Variants in PTPRD observed in about 807,000 individuals in gnomAD.
PTPRD encodes receptor-type tyrosine-protein phosphatase delta.
A neutral mutation model predicts 214.5 loss-of-function variants in PTPRD; 34 were observed. The observed-to-expected ratio is 0.16, with a 90% CI of 0.12 to 0.21. PTPRD has a LOEUF of 0.21. PTPRD is among the 10% of genes least tolerant of loss of function. PTPRD has a pLI of 1.00. For missense variants in PTPRD, 2,545 were observed against 2,398.7 expected (o/e 1.06, Z -1.27); for synonymous variants, 1,128 against 845.7 (o/e 1.33, Z -5.79).
At chr9:9,265,107 A>G (rs1196190332) in intron 9 of PTPRD, among the ~76,000 whole-genome samples, 1 of 151,740 alleles carries the variant, frequency 6.6e-6, no homozygotes, top group East Asian at 1.9e-4. Flanking sequence ...TTAACTCACT[A>G]AAGTAAGTAT....
chr9:10,479,816 A>G (rs2784623), intron 2 of PTPRD, among the ~76,000 whole-genome samples: 46,743 of 151,814 alleles, frequency 0.31, 7,983 homozygotes, highest in East Asian at 0.49. Flanking sequence ...GTGAGATCCC[A>G]TCTTAGAAAA....
intron 9 of PTPRD, among the ~76,000 whole-genome samples, chr9:9,287,851 A>G (rs1034844765): frequency 3.3e-5 from 5 of 151,850 alleles, no homozygotes; most frequent in Non-Finnish European, 7.4e-5. Context: ...TGACACTTCT[A>G]TTAAGAAGGT....
intron 11 of PTPRD, among the ~76,000 whole-genome samples, chr9:8,853,137 C>A: frequency 1.3e-5 from 2 of 152,254 alleles, no homozygotes; most frequent in Middle Eastern, 6.8e-3. Context: ...TCAGTGTAAT[C>A]TTTTGAACTA....
Position 9,623,587 on chromosome 9 carries a change from C to T in PTPRD, c.-286-48806G>A, listed in dbSNP as rs137871497. On this transcript the variant is annotated intron_variant, in intron 7 of 45. Coordinates refer to ENST00000381196, the MANE Select transcript of PTPRD (RefSeq NM_002839.4). ...TTATTGATTCATTTCTTACTAAAGACCCAGCACAGTGTCACACCGTGGGAA... is the reference window on the plus strand; with the variant it reads ...TTATTGATTCATTTCTTACTAAAGATCCAGCACAGTGTCACACCGTGGGAA... Among the ~76,000 whole-genome samples the T allele has an allele frequency of 3.8e-3, 577 of 152,172 alleles. 4 individuals are homozygous for T. Among genetic ancestry groups the T allele is most frequent in the African/African-American group, 0.013 (550 of 41,520 alleles).
intron 11 of PTPRD, among the ~76,000 whole-genome samples, chr9:8,873,727 A>G (rs913438269): frequency 4.6e-5 from 7 of 152,118 alleles, no homozygotes; most frequent in African/African-American, 1.4e-4. Flanking sequence ...TAAAGAATGA[A>G]AGCATTGGGG....
At chr9:8,823,238 T>A (rs189288776) in intron 11 of PTPRD, among the ~76,000 whole-genome samples, 1 of 152,156 alleles carries the variant, frequency 6.6e-6, no homozygotes, top group Non-Finnish European at 1.5e-5. Context: ...AAATGTTCAG[T>A]GTTCCACTGA....
intron 9 of PTPRD, among the ~76,000 whole-genome samples, chr9:9,365,109 G>A (rs1193722083): frequency 1.3e-5 from 2 of 151,442 alleles, no homozygotes; most frequent in African/African-American, 4.8e-5. Context: ...TGAGTAATAT[G>A]TGCTGGGGCT....
chr9:10,273,414 T>C (rs2094522927), intron 3 of PTPRD, among the ~76,000 whole-genome samples: 1 of 152,102 alleles, frequency 6.6e-6, no homozygotes, highest in Non-Finnish European at 1.5e-5. Flanking sequence ...ATAGGGTCTT[T>C]TTCAGTGGCC....
chr9:9,773,218 C>T (rs1208555014), intron 5 of PTPRD, among the ~76,000 whole-genome samples: 1 of 152,104 alleles, frequency 6.6e-6, no homozygotes, highest in Non-Finnish European at 1.5e-5. Flanking sequence ...CTCCTCATCC[C>T]CCCAAATGAA....
At chr9:10,185,300 G>C in intron 3 of PTPRD, among the ~76,000 whole-genome samples, 1 of 152,148 alleles carries the variant, frequency 6.6e-6, no homozygotes, top group East Asian at 1.9e-4. Context: ...GAAAATAAAA[G>C]CCACTGAGCA....
chr9:8,454,347 C>T (rs188745588), intron 33 of PTPRD, among the ~76,000 whole-genome samples: 248 of 152,308 alleles, frequency 1.6e-3, no homozygotes, highest in African/African-American at 5.6e-3. Context: ...GGTTTGTGTA[C>T]TATCTTTTAA....
intron 12 of PTPRD, among the ~76,000 whole-genome samples, chr9:8,729,944 T>C (rs1370106234): frequency 2.0e-5 from 3 of 152,208 alleles, no homozygotes; most frequent in Non-Finnish European, 4.4e-5. Context: ...GACTCACTGC[T>C]TCCATAAAAG....
intron 8 of PTPRD, among the ~76,000 whole-genome samples, chr9:9,493,472 C>T (rs970647621): frequency 6.6e-6 from 1 of 152,118 alleles, no homozygotes; most frequent in African/African-American, 2.4e-5. Flanking sequence ...GTAACTTTGA[C>T]TTTCCAGTTT....
chr9:9,792,871 C>A (rs1195352904), intron 5 of PTPRD, among the ~76,000 whole-genome samples: 2 of 152,022 alleles, frequency 1.3e-5, no homozygotes. Context: ...ATAAGTAACT[C>A]TGAAACATTT....
chr9:10,428,841 G>A (rs2098650135), intron 2 of PTPRD, among the ~76,000 whole-genome samples: 1 of 151,966 alleles, frequency 6.6e-6, no homozygotes, highest in Non-Finnish European at 1.5e-5. Flanking sequence ...TTGATTTGAG[G>A]AAATGCAGCC....
At chr9:8,768,342 T>C (rs958829034) in intron 11 of PTPRD, among the ~76,000 whole-genome samples, 1 of 152,158 alleles carries the variant, frequency 6.6e-6, no homozygotes, top group African/African-American at 2.4e-5. Context: ...CTTGAGCCTA[T>C]AAGTTCAGGA....
At chr9:9,382,632 T>C (rs529849667) in intron 9 of PTPRD, among the ~76,000 whole-genome samples, 1 of 152,152 alleles carries the variant, frequency 6.6e-6, no homozygotes, top group Admixed American at 6.5e-5. Flanking sequence ...GATGGTTTTA[T>C]TGAGAAAGAG....
chr9:8,449,810 T>C lies in PTPRD; in HGVS notation c.3903A>G (p.Lys1301=). Residue 1301 remains lysine (K), a synonymous_variant, in exon 34 of 46, where the codon AAA becomes AAG. Coordinates refer to ENST00000381196, the MANE Select transcript of PTPRD (RefSeq NM_002839.4). ...KRKRAESDSR[K]SSIPNNKEIP... ...TCTCCTTATTGTTCGGTATGCTGCT[T>C]TTTCTAGAGTCGGACTCTGCCCTCT... 1 of 1,614,024 alleles carries C rather than the reference T, an allele frequency of 6.2e-7. No homozygotes were observed. The highest frequency in any genetic ancestry group is 8.5e-7 in the Non-Finnish European group (1 of 1,179,948).
chr9:9,470,373 T>C (rs555211976), intron 8 of PTPRD, among the ~76,000 whole-genome samples: 1 of 152,302 alleles, frequency 6.6e-6, no homozygotes, highest in South Asian at 2.1e-4. Flanking sequence ...ATTTCCAAGA[T>C]GTTATATTTT....
Sources: allele counts gnomAD v4.1 joint callset (sites outside exome capture counted in the v4.1 genomes callset), GRCh38; gene constraint gnomAD v4.1.1; transcripts MANE v1.5; gene names NCBI Gene and HGNC (gene_info 2026-07-23, HGNC 2026-07-21).